Variants in ARMC1 observed in about 807,000 individuals in gnomAD.
The protein encoded by ARMC1 is armadillo repeat-containing protein 1.
A neutral mutation model predicts 31.4 loss-of-function variants in ARMC1; 16 were observed. The ratio of observed to expected loss-of-function variants is 0.51; its 90% confidence interval spans 0.34 to 0.77. ARMC1 has a LOEUF of 0.77. ARMC1 is among the 30% of genes least tolerant of loss of function. The probability of loss-of-function intolerance (pLI) is 0.01; values close to 1 mark genes in which losing one functional copy is unlikely to be tolerated. For synonymous variants in ARMC1, 114 were observed against 118.9 expected (o/e 0.96, Z 0.27); for missense variants, 259 against 347.5 (o/e 0.75, Z 2.02).
rs1554541796 is a variant in ARMC1 at position 65,623,324 on chromosome 8, A to AAAAAAAAAAAC, written c.184-971_184-970insGTTTTTTTTTT. 3.1e-3 allele frequency among the ~76,000 whole-genome samples: 455 copies of AAAAAAAAAAAC among 144,506 alleles called. 15 individuals are homozygous for AAAAAAAAAAAC. Among genetic ancestry groups the AAAAAAAAAAAC allele is most frequent in the African/African-American group, 0.011 (435 of 38,614 alleles). 94.8% of individuals were successfully genotyped at this position (144,506 alleles called of 152,430 possible). A position where few individuals can be genotyped will look rare whatever the true frequency, so the allele number is the denominator to read the frequency against. On this transcript the variant is annotated intron_variant, in intron 2 of 6. Coordinates refer to ENST00000276569, the MANE Select transcript of ARMC1 (RefSeq NM_018120.6). ...CTCCGTCTCAAAAAAAAAAAAAAAA[A>AAAAAAAAAAAC]TGCTGGGCGCTGAGTGGCTCACGGC...
At chr8:65,607,175 C>G (rs1808022550) in intron 4 of ARMC1, among the ~76,000 whole-genome samples, 1 of 152,244 alleles carries the variant, frequency 6.6e-6, no homozygotes, top group South Asian at 2.1e-4. Flanking sequence ...TGTGGCACAG[C>G]ACAGGCCCAC....
chr8:65,615,762 G>A (rs1808236959), intron 3 of ARMC1, among the ~76,000 whole-genome samples: 3 of 152,028 alleles, frequency 2.0e-5, no homozygotes, highest in Non-Finnish European at 2.9e-5. Flanking sequence ...AGGTGTGGTG[G>A]TGGGTGCCTG....
intron 3 of ARMC1, among the ~76,000 whole-genome samples, chr8:65,613,767 C>T (rs1476210450): frequency 6.6e-6 from 1 of 152,056 alleles, no homozygotes; most frequent in African/African-American, 2.4e-5. Flanking sequence ...GGAGTTCAAG[C>T]CTGACCAACA....
At chr8:65,628,472 C>T (rs1229610571) in intron 1 of ARMC1, among the ~76,000 whole-genome samples, 1 of 140,612 alleles carries the variant, frequency 7.1e-6, no homozygotes, top group Non-Finnish European at 1.5e-5. Flanking sequence ...GTCTCAAACT[C>T]CTAACCTTAA....
chr8:65,603,265 T>C lies in ARMC1; in HGVS notation c.*1129A>G, dbSNP rs1000748829. 5.9e-5 allele frequency: 9 copies of C among 152,202 alleles called. No individual in the cohort carries two copies. Among genetic ancestry groups the C allele is most frequent in the African/African-American group, 2.2e-4 (9 of 41,458 alleles). The allele number at this position is 152,202 out of a possible 1,614,324, so 9.4% of individuals were successfully genotyped here. A position where few individuals can be genotyped will look rare whatever the true frequency, so the allele number is the denominator to read the frequency against. On this transcript the variant is annotated 3_prime_UTR_variant, in exon 7 of 7. Coordinates refer to ENST00000276569, the MANE Select transcript of ARMC1 (RefSeq NM_018120.6). ...TATCTTACCTTCACTGAAGTTCTTT[T>C]TTCTGGCTGGACATGAGAAACAGGA...
At chr8:65,625,675 T>C (rs1198746940) in intron 2 of ARMC1, among the ~76,000 whole-genome samples, 1 of 152,176 alleles carries the variant, frequency 6.6e-6, no homozygotes, top group African/African-American at 2.4e-5. Context: ...CTGTGCCATT[T>C]TTCCCATTTG....
Position 65,627,315 on chromosome 8 carries a change from C to T in ARMC1, c.84G>A (p.Pro28=), listed in dbSNP as rs140241141. The change falls in exon 2 of 7, where the codon CCG becomes CCA. Residue 28 remains proline (P), a synonymous_variant. Transcript: ENST00000276569. ...VNQLRDLAAD[P]LNRRAIVQDQ... ...CCTGGACGATGGCTCTTCTGTTTAACGGATCTGCTGCTAGATCCCGTAACT... is the reference window on the plus strand; with the variant it reads ...CCTGGACGATGGCTCTTCTGTTTAATGGATCTGCTGCTAGATCCCGTAACT... The T allele has an allele frequency of 3.0e-5, 49 of 1,613,420 alleles. No homozygotes were observed. The highest frequency in any genetic ancestry group is 1.7e-4 in the Middle Eastern group (1 of 6,060).
intron 3 of ARMC1, among the ~76,000 whole-genome samples, chr8:65,614,445 T>C (rs1036350696): frequency 1.3e-5 from 2 of 152,184 alleles, no homozygotes; most frequent in Non-Finnish European, 1.5e-5. Context: ...CTTTAATTAA[T>C]TTAAATTGCC....
At chr8:65,632,233 G>A (rs968209443) in intron 1 of ARMC1, among the ~76,000 whole-genome samples, 1 of 152,094 alleles carries the variant, frequency 6.6e-6, no homozygotes, top group African/African-American at 2.4e-5. Flanking sequence ...GAGCCTAGAA[G>A]TTCAAGACCA....
chr8:65,616,525 C>T (rs1337830503), intron 3 of ARMC1, among the ~76,000 whole-genome samples: 4 of 152,220 alleles, frequency 2.6e-5, no homozygotes, highest in Non-Finnish European at 5.9e-5. Flanking sequence ...TCCCAAAGTG[C>T]CGAGATTGCA....
intron 4 of ARMC1, among the ~76,000 whole-genome samples, chr8:65,610,206 T>C (rs952865074): frequency 6.6e-6 from 1 of 151,968 alleles, no homozygotes; most frequent in Non-Finnish European, 1.5e-5. Context: ...CAAGCGATTC[T>C]CCTGACTCAA....
chr8:65,627,207 G>T lies in ARMC1; in HGVS notation c.183+9C>A. ...AGAACAGAGATTGAAATTACTAAAG[G>T]CAACTTACAAGCAAAGCGGAGTGGA... On this transcript the variant is annotated intron_variant, in intron 2 of 6. Transcript: ENST00000276569. The T allele has an allele frequency of 6.6e-7, 1 of 1,525,828 alleles. No homozygotes were observed. 94.5% of individuals were successfully genotyped at this position (1,525,828 alleles called of 1,614,324 possible).
intron 4 of ARMC1, among the ~76,000 whole-genome samples, chr8:65,608,814 CAGG>C (rs200727867): frequency 0.042 from 6,312 of 152,096 alleles, 192 homozygotes; most frequent in Non-Finnish European, 0.062. Flanking sequence ...GAGGCTGAGG[CAGG>C]AGAATTGCTT....
intron 4 of ARMC1, among the ~76,000 whole-genome samples, chr8:65,606,946 A>G (rs1222253959): frequency 6.6e-6 from 1 of 152,226 alleles, no homozygotes; most frequent in Non-Finnish European, 1.5e-5. Context: ...CCCACACACC[A>G]AATCACACTC....
At chr8:65,615,138 C>T (rs542944425) in intron 3 of ARMC1, among the ~76,000 whole-genome samples, 2 of 152,136 alleles carry the variant, frequency 1.3e-5, no homozygotes, top group South Asian at 4.2e-4. Context: ...TGACAGTATT[C>T]CAGACACTCA....
chr8:65,623,690 A>T (rs954353068), intron 2 of ARMC1, among the ~76,000 whole-genome samples: 9 of 148,978 alleles, frequency 6.0e-5, no homozygotes, highest in African/African-American at 1.7e-4. Context: ...AAAGTTCCAG[A>T]AGAAGCCAGA....
At position 65,604,604 on chromosome 8, in the gene ARMC1, A is replaced by G. The variant is rs1178044063; in HGVS notation, c.658-19T>C. 1 of 1,606,196 alleles carries G rather than the reference A, an allele frequency of 6.2e-7. No individual in the cohort carries two copies. Among genetic ancestry groups the G allele is most frequent in the Non-Finnish European group, 8.5e-7 (1 of 1,175,198 alleles). On this transcript the variant is annotated intron_variant, in intron 6 of 6. Transcript: ENST00000276569. ...CCAACATCTGATACAGAAAATATTGAGAGTTATTACAAAATCAACTTTACT... is the reference window on the plus strand; with the variant it reads ...CCAACATCTGATACAGAAAATATTGGGAGTTATTACAAAATCAACTTTACT...
chr8:65,609,237 A>G lies in ARMC1; in HGVS notation c.466-3699T>C, dbSNP rs541228941. ...CCTGCCTTAGCCTCCCATATAGCTG[A>G]GATTACAGGCATGTGCCACCACACC... On this transcript the variant is annotated intron_variant, in intron 4 of 6. Transcript: ENST00000276569. Among the ~76,000 whole-genome samples, 740 of 149,278 alleles carry G rather than the reference A, an allele frequency of 5.0e-3. 1 individual carries two copies. Among genetic ancestry groups the G allele is most frequent in the Non-Finnish European group, 7.3e-3 (495 of 67,588 alleles).
At chr8:65,607,242 G>A (rs556191448) in intron 4 of ARMC1, among the ~76,000 whole-genome samples, 29 of 152,304 alleles carry the variant, frequency 1.9e-4, no homozygotes, top group South Asian at 1.9e-3. Context: ...CCTGCATTTG[G>A]TGAAGCCCCT....
Sources: gnomAD v4.1 joint callset for allele counts (sites outside exome capture counted in the v4.1 genomes callset) on GRCh38, gnomAD v4.1.1 for gene constraint, MANE v1.5 for transcripts, NCBI Gene and HGNC (gene_info 2026-07-23, HGNC 2026-07-21) for gene names.